Variants in TMEM168 observed in about 807,000 individuals in gnomAD.
The protein encoded by TMEM168 is transmembrane protein 168.
A neutral mutation model predicts 53.2 loss-of-function variants in TMEM168; 40 were observed. The ratio of observed to expected loss-of-function variants is 0.75; its 90% CI spans 0.58 to 0.98. The LOEUF is 0.98. TMEM168 is among the 50% of genes least tolerant of loss of function. The pLI, the probability that TMEM168 is intolerant of heterozygous loss-of-function variation, is 0.00. For synonymous variants in TMEM168, 282 were observed against 293.0 expected (o/e 0.96, Z 0.38); for missense variants, 771 against 828.8 (o/e 0.93, Z 0.86).
intron 2 of TMEM168, 128 bp downstream of exon 2, chr7:112,783,570 A>G: frequency 9.9e-7 from 1 of 1,011,636 alleles, no homozygotes; most frequent in Non-Finnish European, 1.4e-6. Context: ...AATTCCATGA[A>G]CAAAATTAAG....
chr7:112,773,078 A>G (rs368262280), intron 3 of TMEM168, 23 bp from the exon 4 acceptor site: 1 of 1,572,044 alleles, frequency 6.4e-7, no homozygotes, highest in South Asian at 1.2e-5. Context: ...AAAAAACAAG[A>G]AGTACTCATT....
chr7:112,777,886 C>CTGTGTG (rs71155068), intron 2 of TMEM168, among the ~76,000 whole-genome samples: 157 of 126,126 alleles, frequency 1.2e-3, no homozygotes, highest in Middle Eastern at 7.8e-3. Context: ...GCTCTTGGTG[C>CTGTGTG]TGTGTGTGTG....
At chr7:112,770,622 T>C (rs889522469) in intron 4 of TMEM168, among the ~76,000 whole-genome samples, 7 of 145,494 alleles carry the variant, frequency 4.8e-5, no homozygotes, top group Admixed American at 4.8e-4. Flanking sequence ...GTGTGTGTGT[T>C]TATCTTAGTG....
intron 1 of TMEM168, among the ~76,000 whole-genome samples, chr7:112,788,898 G>GTA (rs1013454997): frequency 6.6e-6 from 1 of 152,104 alleles, no homozygotes; most frequent in Non-Finnish European, 1.5e-5. Flanking sequence ...CCCTCTCTAA[G>GTA]AAGTGTACTT....
chr7:112,788,936 A>G (rs902342854), intron 1 of TMEM168, among the ~76,000 whole-genome samples: 1 of 152,148 alleles, frequency 6.6e-6, no homozygotes, highest in African/African-American at 2.4e-5. Flanking sequence ...GCACTCCACT[A>G]TGTAAAATGC....
At chr7:112,789,320 T>C (rs1793478369) in intron 1 of TMEM168, among the ~76,000 whole-genome samples, 1 of 151,104 alleles carries the variant, frequency 6.6e-6, no homozygotes, top group African/African-American at 2.4e-5. Context: ...GATCAAAAGG[T>C]CTCTGAGGGT....
chr7:112,767,841 G>A, intron 4 of TMEM168, 97 bp from the exon 5 acceptor site: 3 of 1,064,808 alleles, frequency 2.8e-6, no homozygotes, highest in Non-Finnish European at 2.6e-6. Context: ...AAATACTCTT[G>A]TTATACATGT....
At chr7:112,777,574 C>G (rs934478984) in intron 2 of TMEM168, among the ~76,000 whole-genome samples, 5 of 152,012 alleles carry the variant, frequency 3.3e-5, no homozygotes, top group African/African-American at 4.8e-5. Context: ...CAGTATTTTC[C>G]ATACTGCTCT....
intron 3 of TMEM168, among the ~76,000 whole-genome samples, chr7:112,774,563 G>A (rs1030057406): frequency 8.6e-5 from 13 of 151,050 alleles, no homozygotes; most frequent in African/African-American, 3.2e-4. Context: ...TGCTTCAGAG[G>A]ACACTTTCTT....
chr7:112,770,579 A>T (rs1202505619), intron 4 of TMEM168, among the ~76,000 whole-genome samples: 1 of 148,660 alleles, frequency 6.7e-6, no homozygotes, highest in Non-Finnish European at 1.5e-5. Flanking sequence ...AGTGAATGAA[A>T]ATTTAGAAAA....
chr7:112,772,738 A>T, intron 4 of TMEM168, 43 bp downstream of exon 4: 1 of 1,584,800 alleles, frequency 6.3e-7, no homozygotes, highest in Non-Finnish European at 8.6e-7. Flanking sequence ...CTACATATAC[A>T]TGTGTATCTT....
intron 2 of TMEM168, among the ~76,000 whole-genome samples, chr7:112,777,352 C>T (rs771163270): frequency 6.6e-5 from 10 of 152,190 alleles, no homozygotes; most frequent in Non-Finnish European, 1.3e-4. Context: ...GCACAAATTA[C>T]TGAAAATATC....
At chr7:112,771,795 C>T (rs1350157911) in intron 4 of TMEM168, among the ~76,000 whole-genome samples, 2 of 151,792 alleles carry the variant, frequency 1.3e-5, no homozygotes, top group African/African-American at 4.8e-5. Context: ...AATGTTTCCA[C>T]TTTATTTATG....
At chr7:112,783,495 A>G (rs1438736031) in intron 2 of TMEM168, among the ~76,000 whole-genome samples, 1 of 152,242 alleles carries the variant, frequency 6.6e-6, no homozygotes, top group Non-Finnish European at 1.5e-5. Context: ...GAGTGTTCAT[A>G]ACATTTTGGT....
intron 2 of TMEM168, among the ~76,000 whole-genome samples, chr7:112,778,952 G>A (rs1381200560): frequency 6.6e-6 from 1 of 152,146 alleles, no homozygotes; most frequent in African/African-American, 2.4e-5. Flanking sequence ...GCAGCGGCAT[G>A]ATCACGATTC....
At chr7:112,782,422 A>G (rs2116289546) in intron 2 of TMEM168, among the ~76,000 whole-genome samples, 1 of 152,262 alleles carries the variant, frequency 6.6e-6, no homozygotes, top group East Asian at 1.9e-4. Context: ...AATGAGGCTG[A>G]CTTGGAAAAG....
At chr7:112,781,801 A>G (rs1251567712) in intron 2 of TMEM168, among the ~76,000 whole-genome samples, 2 of 152,156 alleles carry the variant, frequency 1.3e-5, no homozygotes, top group African/African-American at 4.8e-5. Flanking sequence ...TTTTGAAAGA[A>G]CTGTGACCTA....
chr7:112,784,230 A>G lies in TMEM168; in HGVS notation c.596T>C (p.Phe199Ser), dbSNP rs768837522. 6.2e-7 allele frequency: 1 copy of G among 1,613,840 alleles called. No homozygotes were observed. Reference protein sequence around the residue: ...MLIIDLRMKSFLAIPNLVIFA... With the variant: ...MLIIDLRMKSSLAIPNLVIFA... Reference sequence around the variant, plus strand: ...AATAACTAAGTTTGGAATAGCTAAGAAAGATTTCATTCTCAGATCAATAAT... The same window carrying G: ...AATAACTAAGTTTGGAATAGCTAAGGAAGATTTCATTCTCAGATCAATAAT... The change falls in exon 2 of 5, where the codon TTC (phenylalanine) becomes TCC (serine). Residue 199 changes from phenylalanine to serine, a missense_variant. Physicochemically the swap from Phe to Ser is radical, Grantham distance 155. Coordinates refer to ENST00000312814, the MANE Select transcript of TMEM168 (RefSeq NM_022484.6).
intron 1 of TMEM168, among the ~76,000 whole-genome samples, chr7:112,785,587 C>T (rs1393196763): frequency 6.6e-6 from 1 of 152,202 alleles, no homozygotes; most frequent in Non-Finnish European, 1.5e-5. Context: ...ACTAAACTTG[C>T]TTTCCAAATC....
Sources: allele counts gnomAD v4.1 joint callset (sites outside exome capture counted in the v4.1 genomes callset), GRCh38; gene constraint gnomAD v4.1.1; transcripts MANE v1.5; gene names NCBI Gene and HGNC (gene_info 2026-07-23, HGNC 2026-07-21).